Variants in MKLN1 observed in about 807,000 individuals in gnomAD.
MKLN1 encodes muskelin.
In MKLN1, 18 loss-of-function variants were observed where a neutral mutation model predicts 99.0. The ratio of observed to expected loss-of-function variants is 0.18; its 90% CI spans 0.13 to 0.27. The LOEUF (loss-of-function observed/expected upper bound fraction) is 0.27, where lower values mean the gene tolerates loss of function less well. Ranked by LOEUF, MKLN1 falls within the 10% of genes least tolerant of loss-of-function variation. The pLI is 1.00. For missense variants in MKLN1, 621 were observed against 875.9 expected, an observed-to-expected ratio of 0.71 and a Z score of 3.67; for synonymous variants, 288 against 293.2, an observed-to-expected ratio of 0.98 and a Z score of 0.18.
chr7:131,179,331 T>C (rs1182985376), intron 2 of MKLN1, among the ~76,000 whole-genome samples: 1 of 152,160 alleles, frequency 6.6e-6, no homozygotes, highest in African/African-American at 2.4e-5. Flanking sequence ...CAGCACTTCC[T>C]AGATTCCTTT....
intron 1 of MKLN1, among the ~76,000 whole-genome samples, chr7:131,357,125 T>C (rs1799908225): frequency 6.6e-6 from 1 of 152,210 alleles, no homozygotes; most frequent in Non-Finnish European, 1.5e-5. Flanking sequence ...CTATAATCCA[T>C]AGTTTATTTA....
chr7:131,374,126 C>A (rs999741335), intron 1 of MKLN1, among the ~76,000 whole-genome samples: 11 of 152,082 alleles, frequency 7.2e-5, no homozygotes, highest in African/African-American at 2.7e-4. Context: ...CCTTCTTCTG[C>A]CTTTTTTAAA....
chr7:131,372,846 G>T (rs1793506662), intron 1 of MKLN1, among the ~76,000 whole-genome samples: 1 of 151,076 alleles, frequency 6.6e-6, no homozygotes, highest in Non-Finnish European at 1.5e-5. Flanking sequence ...TTACTTAGCT[G>T]TATACGTTTA....
intron 3 of MKLN1, among the ~76,000 whole-genome samples, chr7:131,245,630 C>G (rs893174700): frequency 6.6e-6 from 1 of 152,142 alleles, no homozygotes; most frequent in South Asian, 2.1e-4. Flanking sequence ...TGCTTTGATA[C>G]ACAAATACTA....
At chr7:131,153,864 G>T (rs1249347698) in intron 2 of MKLN1, among the ~76,000 whole-genome samples, 1 of 151,886 alleles carries the variant, frequency 6.6e-6, no homozygotes, top group Non-Finnish European at 1.5e-5. Context: ...GGTTTCACCA[G>T]GCTGGCCAGG....
chr7:131,216,220 T>C (rs761436866), intron 3 of MKLN1, among the ~76,000 whole-genome samples: 1 of 151,878 alleles, frequency 6.6e-6, no homozygotes, highest in Non-Finnish European at 1.5e-5. Context: ...GCCAACATGG[T>C]GAAACTCCCT....
At chr7:131,439,940 C>T (rs980248094) in intron 10 of MKLN1, among the ~76,000 whole-genome samples, 2 of 150,658 alleles carry the variant, frequency 1.3e-5, no homozygotes, top group Admixed American at 6.6e-5. Flanking sequence ...TCAGCAAAAC[C>T]AAGAGCTAGA....
intron 1 of MKLN1, among the ~76,000 whole-genome samples, chr7:131,114,036 C>T (rs1394256557): frequency 6.6e-6 from 1 of 152,106 alleles, no homozygotes; most frequent in Non-Finnish European, 1.5e-5. Context: ...CAGAGCCAAA[C>T]CATATCACAT....
intron 6 of MKLN1, among the ~76,000 whole-genome samples, chr7:131,401,723 G>A (rs1049901690): frequency 2.0e-5 from 3 of 152,100 alleles, no homozygotes; most frequent in Non-Finnish European, 2.9e-5. Flanking sequence ...ACACAATAAA[G>A]CAAGTCACAA....
intron 6 of MKLN1, among the ~76,000 whole-genome samples, chr7:131,400,520 T>A (rs6961564): frequency 0.11 from 12,842 of 114,536 alleles, 632 homozygotes; most frequent in East Asian, 0.19. Flanking sequence ...AAAAAAAAAA[T>A]ATATATATAT....
chr7:131,222,976 A>C (rs1175244894), intron 3 of MKLN1, among the ~76,000 whole-genome samples: 1 of 152,052 alleles, frequency 6.6e-6, no homozygotes, highest in Non-Finnish European at 1.5e-5. Flanking sequence ...CCGGAGGTGG[A>C]GGTTGCAGAG....
At chr7:131,204,899 A>C (rs968523736) in intron 3 of MKLN1, among the ~76,000 whole-genome samples, 9 of 149,378 alleles carry the variant, frequency 6.0e-5, no homozygotes, top group Admixed American at 2.1e-4. Context: ...ACGCCACTGC[A>C]CTCTAGCCTA....
chr7:131,173,041 G>T (rs1326413553), intron 2 of MKLN1, among the ~76,000 whole-genome samples: 1 of 152,120 alleles, frequency 6.6e-6, no homozygotes, highest in East Asian at 1.9e-4. Flanking sequence ...GTGAATATGT[G>T]TTTTCCTTGA....
chr7:131,127,429 A>T (rs1795481946), intron 1 of MKLN1, among the ~76,000 whole-genome samples: 1 of 152,178 alleles, frequency 6.6e-6, no homozygotes, highest in African/African-American at 2.4e-5. Context: ...TATTAGAGAC[A>T]GGACAAGAAG....
intron 3 of MKLN1, among the ~76,000 whole-genome samples, chr7:131,297,413 C>CTGTGTGTGTG (rs148107325): frequency 1.1e-4 from 16 of 149,326 alleles, no homozygotes; most frequent in African/African-American, 1.7e-4. Context: ...CACAAATACT[C>CTGTGTGTGTG]TGTGTGTGTG....
At chr7:131,265,588 C>A (rs1194707740) in intron 3 of MKLN1, among the ~76,000 whole-genome samples, 1 of 152,096 alleles carries the variant, frequency 6.6e-6, no homozygotes, top group African/African-American at 2.4e-5. Flanking sequence ...TCAATAGAAT[C>A]AAAGGAGTGT....
chr7:131,165,749 G>A (rs1796113634), intron 2 of MKLN1, among the ~76,000 whole-genome samples: 1 of 152,162 alleles, frequency 6.6e-6, no homozygotes, highest in Non-Finnish European at 1.5e-5. Flanking sequence ...AGCTTTGCTA[G>A]GAAGATTGTT....
chr7:131,353,979 A>G (rs1799799044), intron 1 of MKLN1, among the ~76,000 whole-genome samples: 1 of 150,264 alleles, frequency 6.7e-6, no homozygotes, highest in Non-Finnish European at 1.5e-5. Context: ...TGTCCTAATG[A>G]TATGTGTCTG....
At chr7:131,251,637 T>C (rs1439899714) in intron 3 of MKLN1, among the ~76,000 whole-genome samples, 1 of 152,130 alleles carries the variant, frequency 6.6e-6, no homozygotes, top group Admixed American at 6.6e-5. Context: ...TTGGGCATAA[T>C]TGTAAAGTGA....
Sources: allele counts gnomAD v4.1 joint callset (sites outside exome capture counted in the v4.1 genomes callset), GRCh38; gene constraint gnomAD v4.1.1; transcripts MANE v1.5; gene names NCBI Gene and HGNC (gene_info 2026-07-23, HGNC 2026-07-21).